NEK6: variants seen among roughly 807,000 people sequenced by gnomAD.
The protein encoded by NEK6 is serine/threonine-protein kinase Nek6.
NEK6 carries 27 observed loss-of-function variants against 43.5 expected under a neutral mutation model. The ratio of observed to expected loss-of-function variants is 0.62; its 90% CI spans 0.46 to 0.86. NEK6 has a LOEUF of 0.86. Among genes scored for constraint, NEK6 ranks in the 40% least tolerant of loss-of-function variants. NEK6 has a pLI of 0.00. For missense variants in NEK6, 318 were observed against 414.4 expected, an observed-to-expected ratio of 0.77 and a Z score of 2.02; for synonymous variants, 167 against 164.1, an observed-to-expected ratio of 1.02 and a Z score of -0.14.
At position 124,326,290 on chromosome 9, in the gene NEK6, T is replaced by A; in HGVS notation, c.406-40T>A. 7.2e-7 allele frequency: 1 copy of A among 1,381,544 alleles called. No individual in the cohort carries two copies. Among genetic ancestry groups the A allele is most frequent in the Non-Finnish European group, 9.9e-7 (1 of 1,013,008 alleles). 85.6% of individuals were successfully genotyped at this position (1,381,544 alleles called of 1,614,324 possible). A position where few individuals can be genotyped will look rare whatever the true frequency, so the allele number is the denominator to read the frequency against. ...TGTGGCCACCCACCTCCAAGCCCGC[T>A]CACCCGGGCCTATCCCTCTGCTTGT... On this transcript the variant is annotated intron_variant, in intron 5 of 9. Transcript: ENST00000320246. This position sits in a 1 kb window ranked among gnomAD's most constrained non-coding sequence, Gnocchi z 4.5.
At chr9:124,309,174 C>T (rs1398202087) in intron 2 of NEK6, among the ~76,000 whole-genome samples, 2 of 152,294 alleles carry the variant, frequency 1.3e-5, no homozygotes, top group East Asian at 3.9e-4. Flanking sequence ...CCAGAGCCTG[C>T]TGGACCATGT....
chr9:124,309,880 C>T (rs1341745731), intron 2 of NEK6, among the ~76,000 whole-genome samples: 2 of 152,236 alleles, frequency 1.3e-5, no homozygotes, highest in Admixed American at 1.3e-4. Flanking sequence ...CACAAACATG[C>T]TCCAAGCAGT....
rs938233529 is a variant in NEK6 at position 124,257,953 on chromosome 9, T to C, written c.-162T>C. ...CGGGCGCGCGGGCCCGCGCAGGCGG[T>C]GGCGGCGGCGGCGGAACCGAGCTGA... On this transcript the variant is annotated 5_prime_UTR_variant, in exon 1 of 10. Transcript: ENST00000320246. 684 of 974,660 alleles carry C rather than the reference T, an allele frequency of 7.0e-4. 7 individuals carry two copies. The Admixed American group carries it at 0.023, about 33-fold the overall frequency. The allele number at this position is 974,660 out of a possible 1,614,324, so 60.4% of individuals were successfully genotyped here. A position where few individuals can be genotyped will look rare whatever the true frequency, so the allele number is the denominator to read the frequency against.
chr9:124,257,678 A>G, upstream of NEK6: 1 of 1,532,914 alleles, frequency 6.5e-7, no homozygotes, highest in Non-Finnish European at 8.7e-7. Flanking sequence ...CCCTCATCAT[A>G]AGTCTAGAGC....
At chr9:124,282,604 A>G (rs974521441) in intron 1 of NEK6, among the ~76,000 whole-genome samples, 4 of 150,408 alleles carry the variant, frequency 2.7e-5, no homozygotes, top group African/African-American at 9.7e-5. Context: ...CACCACAGCA[A>G]GGGCCAGGCT....
intron 1 of NEK6, among the ~76,000 whole-genome samples, chr9:124,294,491 CAAAA>C (rs11315005): frequency 3.0e-5 from 4 of 132,998 alleles, no homozygotes; most frequent in Admixed American, 7.3e-5. Flanking sequence ...GACTCCATCT[CAAAA>C]AAAAAAAAAA....
rs181938519 is a variant in NEK6, at chr9:124,349,150, C to T, written c.831+1328C>T. On this transcript the variant is annotated intron_variant, in intron 9 of 9. Coordinates refer to ENST00000320246, the MANE Select transcript of NEK6 (RefSeq NM_014397.6). Reference sequence around the variant, plus strand: ...TCCAGGGCTAGAGGAGCTCGAGTGTCGGGCGCTGCACAGTGCCCTTCCTCT... The same window carrying T: ...TCCAGGGCTAGAGGAGCTCGAGTGTTGGGCGCTGCACAGTGCCCTTCCTCT... 1.0e-3 allele frequency among the ~76,000 whole-genome samples: 155 copies of T among 152,358 alleles called. 1 individual carries two copies. Among genetic ancestry groups the T allele is most frequent in the African/African-American group, 3.4e-3 (141 of 41,584 alleles).
intron 4 of NEK6, among the ~76,000 whole-genome samples, chr9:124,314,957 GC>G (rs1319769976): frequency 1.3e-5 from 2 of 152,218 alleles, no homozygotes; most frequent in African/African-American, 4.8e-5. Flanking sequence ...ACCGCACCCG[GC>G]CCCCCATGAA....
At chr9:124,258,811 G>T (rs752194991) in intron 1 of NEK6, among the ~76,000 whole-genome samples, 2 of 152,256 alleles carry the variant, frequency 1.3e-5, no homozygotes, top group African/African-American at 2.4e-5. Flanking sequence ...CCAGGCTGCG[G>T]CAGGGCCACT....
intron 4 of NEK6, among the ~76,000 whole-genome samples, chr9:124,316,357 C>G (rs1013425157): frequency 7.9e-5 from 12 of 152,164 alleles, no homozygotes; most frequent in African/African-American, 2.9e-4. Context: ...AGGGTGCAGC[C>G]CAGTGGAGAA....
chr9:124,324,061 G>T lies in NEK6; in HGVS notation c.406-2269G>T, dbSNP rs1050999261. 4.0e-5 allele frequency among the ~76,000 whole-genome samples: 6 copies of T among 151,634 alleles called. No individual in the cohort carries two copies. Among genetic ancestry groups the T allele is most frequent in the African/African-American group, 1.2e-4 (5 of 41,232 alleles). On this transcript the variant is annotated intron_variant, in intron 5 of 9. Transcript: ENST00000320246. The surrounding 1 kb of genome is among the most constrained non-coding windows in gnomAD (Gnocchi z 5.3). ...CCCCCCACTGTCCCTGCCTGCTCCC[G>T]TTCCCTCCAACCCGGCTCAGGGGCC...
Position 124,324,723 on chromosome 9 carries a change from G to A in NEK6, c.406-1607G>A, listed in dbSNP as rs944333. Among the ~76,000 whole-genome samples, 15,505 of 152,052 alleles carry A rather than the reference G, an allele frequency of 0.1. 1,243 individuals are homozygous for A. The highest frequency in any genetic ancestry group is 0.46 in the East Asian group (2,328 of 5,110). Reference sequence around the variant, plus strand: ...CAGAATTGTACCTCAGAACAGCCTCGAGGGGATTTACGGCGAGGTCAGGGG... The same window carrying A: ...CAGAATTGTACCTCAGAACAGCCTCAAGGGGATTTACGGCGAGGTCAGGGG... On this transcript the variant is annotated intron_variant, in intron 5 of 9. Coordinates refer to ENST00000320246, the MANE Select transcript of NEK6 (RefSeq NM_014397.6). This position sits in a 1 kb window ranked among gnomAD's most constrained non-coding sequence, Gnocchi z 5.3.
At chr9:124,290,222 C>G (rs927246346) in intron 1 of NEK6, among the ~76,000 whole-genome samples, 3 of 152,234 alleles carry the variant, frequency 2.0e-5, no homozygotes, top group South Asian at 4.1e-4. Context: ...CCTGGCCTAT[C>G]TGGAGCCTTC....
Position 124,296,445 on chromosome 9 carries a change from T to A in NEK6, c.-29-5491T>A, listed in dbSNP as rs967610496. Among the ~76,000 whole-genome samples, 3 of 152,194 alleles carry A rather than the reference T, an allele frequency of 2.0e-5. No individual in the cohort carries two copies. In the East Asian group the frequency reaches 5.8e-4, roughly 29 times the overall value. Reference sequence around the variant, plus strand: ...CCCTGGGCTTGGCAACACCTGTCAGTCTGGGAGCCACAACTGCCTTTGCCA... The same window carrying A: ...CCCTGGGCTTGGCAACACCTGTCAGACTGGGAGCCACAACTGCCTTTGCCA... On this transcript the variant is annotated intron_variant, in intron 1 of 9. Transcript: ENST00000320246.
At position 124,343,925 on chromosome 9, in the gene NEK6, T is replaced by G. The variant is rs1296103722; in HGVS notation, c.718-3784T>G. On this transcript the variant is annotated intron_variant, in intron 8 of 9. Transcript: ENST00000320246. The surrounding 1 kb of genome is among the most constrained non-coding windows in gnomAD (Gnocchi z 5.1). ...GCCGATGGCTTCAAGCAACATAAGT[T>G]TACTCTCTTAGATCTCGAGGATTCT... is the stretch of plus-strand genomic sequence containing the variant. 6.6e-6 allele frequency among the ~76,000 whole-genome samples: 1 copy of G among 152,158 alleles called. No homozygotes were observed. The highest frequency in any genetic ancestry group is 1.5e-5 in the Non-Finnish European group (1 of 68,022).
At chr9:124,334,081 T>C (rs1829168683) in intron 7 of NEK6, among the ~76,000 whole-genome samples, 1 of 152,164 alleles carries the variant, frequency 6.6e-6, no homozygotes, top group Admixed American at 6.5e-5. Context: ...CCGGCCCAAG[T>C]CCATTCTTGA....
At chr9:124,323,210 G>T (rs1304866930) in intron 5 of NEK6, among the ~76,000 whole-genome samples, 3 of 152,248 alleles carry the variant, frequency 2.0e-5, no homozygotes, top group Non-Finnish European at 4.4e-5. Flanking sequence ...CATGTGCAGG[G>T]CCTGTGGGAG....
chr9:124,347,782 G>A lies in NEK6; in HGVS notation c.791G>A (p.Cys264Tyr). Reference protein sequence around the residue: ...LFSLCQKIEQCDYPPLPGEHY... With the variant: ...LFSLCQKIEQYDYPPLPGEHY... Reference sequence around the variant, plus strand: ...TCCCTGTGCCAGAAGATCGAGCAGTGTGACTACCCCCCACTCCCCGGGGAG... The same window carrying A: ...TCCCTGTGCCAGAAGATCGAGCAGTATGACTACCCCCCACTCCCCGGGGAG... Residue 264 changes from cysteine (C) to tyrosine (Y), a missense_variant, in exon 9 of 10, where the codon TGT becomes TAT. Transcript: ENST00000320246. 1 of 1,613,346 alleles carries A rather than the reference G, an allele frequency of 6.2e-7. No individual in the cohort carries two copies. Among genetic ancestry groups the A allele is most frequent in the African/African-American group, 1.3e-5 (1 of 75,014 alleles).
At chr9:124,295,198 G>A (rs1313678397) in intron 1 of NEK6, among the ~76,000 whole-genome samples, 1 of 152,246 alleles carries the variant, frequency 6.6e-6, no homozygotes, top group Non-Finnish European at 1.5e-5. Context: ...GAGCAGCCAG[G>A]CTTCCGCTGT....
Sources: gnomAD v4.1 joint callset for allele counts (sites outside exome capture counted in the v4.1 genomes callset) on GRCh38, gnomAD v4.1.1 for gene constraint, Gnocchi (gnomAD v3.1) non-coding constraint, MANE v1.5 for transcripts, NCBI Gene and HGNC (gene_info 2026-07-23, HGNC 2026-07-21) for gene names.